Variants in CARMIL1 observed in about 807,000 individuals in gnomAD.
CARMIL1 encodes capping protein regulator and myosin 1 linker 1, also known as F-actin-uncapping protein LRRC16A.
Under a neutral mutation model 177.1 loss-of-function variants are expected in CARMIL1, and 90 were observed. The observed-to-expected ratio is 0.51, with a 90% CI of 0.43 to 0.61. The LOEUF is 0.61. Ranked by LOEUF, CARMIL1 falls within the 20% of genes least tolerant of loss-of-function variation. CARMIL1 has a pLI of 0.00. For missense variants in CARMIL1, 1,380 were observed against 1,667.0 expected, an observed-to-expected ratio of 0.83 and a Z score of 3.00; for synonymous variants, 577 against 606.2, an observed-to-expected ratio of 0.95 and a Z score of 0.71.
chr6:25,301,163 T>C (rs12208077), intron 2 of CARMIL1, among the ~76,000 whole-genome samples: 3 of 152,130 alleles, frequency 2.0e-5, no homozygotes, highest in African/African-American at 7.2e-5. Context: ...ACCAGCAGCA[T>C]GTATTGGGAA....
Position 25,606,231 on chromosome 6 carries a change from C to A in CARMIL1, c.3805C>A (p.Arg1269=), listed in dbSNP as rs371029075. Residue 1269 remains arginine, a synonymous_variant, in exon 35 of 37, where the codon CGG becomes AGG. Coordinates refer to ENST00000329474, the MANE Select transcript of CARMIL1 (RefSeq NM_017640.6). Reference sequence around the variant, plus strand: ...GTCCCCCAAACCCAGTCTGGCAGCACGGCCCGTCATCCCGCAGAAACCAAG... The same window carrying A: ...GTCCCCCAAACCCAGTCTGGCAGCAAGGCCCGTCATCCCGCAGAAACCAAG... The part of the protein sequence containing the change: ...LQSPKPSLAA[R]PVIPQKPRTA... 6.2e-6 allele frequency: 10 copies of A among 1,613,880 alleles called. No homozygotes were observed. Among genetic ancestry groups the A allele is most frequent in the South Asian group, 2.2e-5 (2 of 91,066 alleles).
chr6:25,428,729 ACTGGT>A (rs1796481912), intron 4 of CARMIL1, among the ~76,000 whole-genome samples: 1 of 152,152 alleles, frequency 6.6e-6, no homozygotes, highest in African/African-American at 2.4e-5. Flanking sequence ...CTTTCAGCGT[ACTGGT>A]CTTACATATG....
rs1471166612 is a variant in CARMIL1 at position 25,363,695 on chromosome 6, T to G, written c.139-56419T>G. Among the ~76,000 whole-genome samples, 3 of 152,344 alleles carry G rather than the reference T, an allele frequency of 2.0e-5. No individual in the cohort carries two copies. The South Asian group carries it at 6.2e-4, about 32-fold the overall frequency. ...ACCAATATGCAATTTATGCATCATT[T>G]CCAACATGCCAGACATTTTAAGGTG... is the stretch of plus-strand genomic sequence containing the variant. On this transcript the variant is annotated intron_variant, in intron 2 of 36. Coordinates refer to ENST00000329474, the MANE Select transcript of CARMIL1 (RefSeq NM_017640.6).
chr6:25,486,803 A>T (rs548596176), intron 12 of CARMIL1, among the ~76,000 whole-genome samples: 1 of 152,312 alleles, frequency 6.6e-6, no homozygotes, highest in Admixed American at 6.5e-5. Flanking sequence ...TTCAGTGAGT[A>T]AGATGGTATC....
chr6:25,314,922 G>C (rs917903185), intron 2 of CARMIL1, among the ~76,000 whole-genome samples: 5 of 152,162 alleles, frequency 3.3e-5, no homozygotes, highest in African/African-American at 1.2e-4. Flanking sequence ...ACTGACTTAG[G>C]GGTTATTATA....
intron 2 of CARMIL1, among the ~76,000 whole-genome samples, chr6:25,392,054 ATGTGTGTGTGTGTGTGTGTGTGTGTG>A (rs36076582): frequency 7.2e-6 from 1 of 139,360 alleles, no homozygotes; most frequent in South Asian, 2.4e-4. Flanking sequence ...GTGTATATGC[ATGTGTGTGTGTGTGTGTGTGTGTGTG>A]TGTGTGTGTG....
At chr6:25,451,446 T>C (rs186972828) in intron 8 of CARMIL1, among the ~76,000 whole-genome samples, 33 of 152,320 alleles carry the variant, frequency 2.2e-4, no homozygotes, top group Non-Finnish European at 4.1e-4. Context: ...TATGTGTATG[T>C]TGGTGAAAAT....
intron 26 of CARMIL1, among the ~76,000 whole-genome samples, chr6:25,544,815 G>C (rs1163554318): frequency 6.6e-6 from 1 of 152,124 alleles, no homozygotes; most frequent in Non-Finnish European, 1.5e-5. Context: ...TAAAAAGCAA[G>C]TACTGAAAGT....
At chr6:25,317,562 CTTTTT>C (rs33992407) in intron 2 of CARMIL1, among the ~76,000 whole-genome samples, 3 of 107,160 alleles carry the variant, frequency 2.8e-5, no homozygotes, top group Non-Finnish European at 5.2e-5. Context: ...TTACTTAGGA[CTTTTT>C]TTTTTTTTTT....
intron 2 of CARMIL1, among the ~76,000 whole-genome samples, chr6:25,380,594 A>T (rs1017100120): frequency 3.7e-4 from 56 of 152,220 alleles, no homozygotes; most frequent in African/African-American, 1.3e-3. Context: ...AAAAAAACTT[A>T]TACCTCCTAT....
chr6:25,609,438 C>T (rs1307137297), intron 35 of CARMIL1, among the ~76,000 whole-genome samples: 1 of 149,480 alleles, frequency 6.7e-6, no homozygotes, highest in Non-Finnish European at 1.5e-5. Flanking sequence ...TGCACTCCAG[C>T]CTGGGCAACA....
At chr6:25,468,027 T>G (rs985727389) in intron 9 of CARMIL1, among the ~76,000 whole-genome samples, 4 of 152,168 alleles carry the variant, frequency 2.6e-5, no homozygotes, top group African/African-American at 4.8e-5. Flanking sequence ...AAACATGAAG[T>G]GCAAGGGCAA....
chr6:25,325,675 A>G (rs1387047568), intron 2 of CARMIL1, among the ~76,000 whole-genome samples: 1 of 152,246 alleles, frequency 6.6e-6, no homozygotes, highest in African/African-American at 2.4e-5. Context: ...AAAGTGATTC[A>G]GCATGTAGCG....
At chr6:25,614,224 G>A (rs1337719833) in intron 36 of CARMIL1, among the ~76,000 whole-genome samples, 1 of 152,188 alleles carries the variant, frequency 6.6e-6, no homozygotes, top group African/African-American at 2.4e-5. Flanking sequence ...CACTTGCCTG[G>A]GGTTCCGGCG....
chr6:25,556,963 C>G, intron 29 of CARMIL1, 113 bp downstream of exon 29: 1 of 1,070,246 alleles, frequency 9.3e-7, no homozygotes, highest in Non-Finnish European at 1.4e-6. Context: ...AACACTGTCC[C>G]CACCCTCAGA....
chr6:25,506,787 A>C (rs1006876786), intron 17 of CARMIL1, among the ~76,000 whole-genome samples: 1 of 152,178 alleles, frequency 6.6e-6, no homozygotes, highest in East Asian at 1.9e-4. Context: ...ATAGCAGATA[A>C]TTTGGGGGTC....
intron 4 of CARMIL1, among the ~76,000 whole-genome samples, chr6:25,428,525 C>A (rs181941239): frequency 1.3e-3 from 192 of 152,152 alleles, no homozygotes; most frequent in African/African-American, 4.5e-3. Flanking sequence ...TTTGCAATTC[C>A]GTATGAATTT....
At chr6:25,364,572 C>CTTTTT (rs199573991) in intron 2 of CARMIL1, among the ~76,000 whole-genome samples, 1 of 150,470 alleles carries the variant, frequency 6.6e-6, no homozygotes, top group Non-Finnish European at 1.5e-5. Flanking sequence ...TCTTTTTCTT[C>CTTTTT]TTTTTTTTGA....
intron 8 of CARMIL1, among the ~76,000 whole-genome samples, chr6:25,456,739 A>G (rs1799565484): frequency 6.6e-6 from 1 of 152,196 alleles, no homozygotes; most frequent in Non-Finnish European, 1.5e-5. Flanking sequence ...TGTTCCTGAC[A>G]GATTTTTAAG....
Sources: allele counts gnomAD v4.1 joint callset (sites outside exome capture counted in the v4.1 genomes callset), GRCh38; gene constraint gnomAD v4.1.1; transcripts MANE v1.5; gene names NCBI Gene and HGNC (gene_info 2026-07-23, HGNC 2026-07-21).